Variants in FOXN3 observed in about 807,000 individuals in gnomAD.
FOXN3 encodes forkhead box N3.
FOXN3 carries 7 observed loss-of-function variants against 38.4 expected under a neutral mutation model. The ratio of observed to expected loss-of-function variants is 0.18; its 90% CI spans 0.10 to 0.34. The LOEUF (loss-of-function observed/expected upper bound fraction) is 0.34. Among genes scored for constraint, FOXN3 ranks in the 10% least tolerant of loss-of-function variants. The pLI, the probability that FOXN3 is intolerant of heterozygous loss-of-function variation, is 1.00. For synonymous variants in FOXN3, 230 were observed against 242.2 expected, an observed-to-expected ratio of 0.95 and a Z score of 0.47; for missense variants, 456 against 613.4, an observed-to-expected ratio of 0.74 and a Z score of 2.71.
At chr14:89,485,972 A>C (rs1373598376) in intron 1 of FOXN3, among the ~76,000 whole-genome samples, 1 of 152,050 alleles carries the variant, frequency 6.6e-6, no homozygotes, top group Non-Finnish European at 1.5e-5. Flanking sequence ...TTTCAATCCC[A>C]ATCCTCAAAG....
At chr14:89,463,992 C>A (rs1296321463) in intron 1 of FOXN3, among the ~76,000 whole-genome samples, 1 of 152,162 alleles carries the variant, frequency 6.6e-6, no homozygotes, top group African/African-American at 2.4e-5. Context: ...CCATGTTGGC[C>A]AGGCTGGTCT....
chr14:89,373,377 T>G (rs942079909), intron 2 of FOXN3, among the ~76,000 whole-genome samples: 2 of 151,356 alleles, frequency 1.3e-5, no homozygotes, highest in Non-Finnish European at 2.9e-5. Flanking sequence ...TTTTGGCCTG[T>G]TGCTACAGGT....
chr14:89,245,408 A>G (rs965754433), intron 4 of FOXN3, among the ~76,000 whole-genome samples: 6 of 152,108 alleles, frequency 3.9e-5, no homozygotes, highest in Non-Finnish European at 8.8e-5. Flanking sequence ...TGAAAATGAG[A>G]AACATTTCAC....
intron 1 of FOXN3, among the ~76,000 whole-genome samples, chr14:89,429,183 C>T (rs897771275): frequency 1.3e-5 from 2 of 152,100 alleles, no homozygotes; most frequent in African/African-American, 4.8e-5. Flanking sequence ...TGCTGTCAAC[C>T]CCTTTGTAGA....
chr14:89,495,502 A>T (rs17125930), intron 1 of FOXN3, among the ~76,000 whole-genome samples: 9,183 of 152,264 alleles, frequency 0.06, 867 homozygotes, highest in African/African-American at 0.2. Flanking sequence ...TTTAAAAGCA[A>T]TCTCAAAAAG....
At chr14:89,390,391 G>A (rs1268805269) in intron 2 of FOXN3, among the ~76,000 whole-genome samples, 1 of 143,272 alleles carries the variant, frequency 7.0e-6, no homozygotes, top group East Asian at 2.0e-4. Flanking sequence ...TTTTAAGTAA[G>A]GAAAACTATT....
At chr14:89,408,146 G>C (rs988934720) in intron 2 of FOXN3, among the ~76,000 whole-genome samples, 1 of 152,212 alleles carries the variant, frequency 6.6e-6, no homozygotes, top group Non-Finnish European at 1.5e-5. Context: ...AGGGCACCTA[G>C]TTCAGGGATT....
At chr14:89,546,624 C>A (rs190335993) in intron 1 of FOXN3, among the ~76,000 whole-genome samples, 1 of 151,060 alleles carries the variant, frequency 6.6e-6, no homozygotes, top group Non-Finnish European at 1.5e-5. Flanking sequence ...CCACTGCACC[C>A]GGCCCCAATA....
intron 4 of FOXN3, among the ~76,000 whole-genome samples, chr14:89,254,406 T>C (rs1191571774): frequency 6.6e-6 from 1 of 151,456 alleles, no homozygotes; most frequent in African/African-American, 2.4e-5. Flanking sequence ...GTAAGGGAGG[T>C]GGGGAGAAGG....
At chr14:89,336,728 G>T (rs1888472925) in intron 3 of FOXN3, among the ~76,000 whole-genome samples, 1 of 152,120 alleles carries the variant, frequency 6.6e-6, no homozygotes, top group African/African-American at 2.4e-5. Flanking sequence ...AAAGCAGATG[G>T]AATAAAATAA....
At chr14:89,381,032 C>T (rs946309539) in intron 2 of FOXN3, among the ~76,000 whole-genome samples, 2 of 151,644 alleles carry the variant, frequency 1.3e-5, no homozygotes, top group South Asian at 4.2e-4. Context: ...ATCCCAGCTA[C>T]TCAGGAGGCT....
At chr14:89,281,678 T>C (rs758522986) in intron 3 of FOXN3, among the ~76,000 whole-genome samples, 2 of 152,188 alleles carry the variant, frequency 1.3e-5, no homozygotes, top group Non-Finnish European at 2.9e-5. Context: ...ACCGCATTCA[T>C]AGATGAGCAT....
chr14:89,294,257 A>G (rs79108864), intron 3 of FOXN3, among the ~76,000 whole-genome samples: 1 of 152,048 alleles, frequency 6.6e-6, no homozygotes, highest in East Asian at 1.9e-4. Context: ...TCAAAGCACA[A>G]TATCTTCAGG....
At chr14:89,396,644 C>T (rs1891106618) in intron 2 of FOXN3, among the ~76,000 whole-genome samples, 1 of 151,978 alleles carries the variant, frequency 6.6e-6, no homozygotes, top group Non-Finnish European at 1.5e-5. Context: ...CCAGCCTGGC[C>T]AACATGGTGA....
At chr14:89,549,354 AG>A (rs1894953192) in intron 1 of FOXN3, among the ~76,000 whole-genome samples, 1 of 152,036 alleles carries the variant, frequency 6.6e-6, no homozygotes, top group Non-Finnish European at 1.5e-5. Flanking sequence ...AAGCTAATTC[AG>A]GCAACAAAAA....
At chr14:89,321,088 T>C (rs1887882494) in intron 3 of FOXN3, among the ~76,000 whole-genome samples, 2 of 151,522 alleles carry the variant, frequency 1.3e-5, no homozygotes, top group South Asian at 2.1e-4. Context: ...AGTAGTTCAA[T>C]ACCAACCTGG....
intron 1 of FOXN3, among the ~76,000 whole-genome samples, chr14:89,438,395 C>T (rs55994403): frequency 1.3e-5 from 2 of 152,326 alleles, no homozygotes; most frequent in Non-Finnish European, 2.9e-5. Flanking sequence ...TAGTCCTAAA[C>T]GTTTACATGG....
chr14:89,285,519 A>C (rs1458946385), intron 3 of FOXN3, among the ~76,000 whole-genome samples: 5 of 96,488 alleles, frequency 5.2e-5, no homozygotes, highest in Non-Finnish European at 4.4e-5. Flanking sequence ...ACTCCGTCTC[A>C]AAACAAAAAA....
At chr14:89,188,842 A>AT (rs914611171) in intron 4 of FOXN3, among the ~76,000 whole-genome samples, 8 of 151,236 alleles carry the variant, frequency 5.3e-5, no homozygotes, top group African/African-American at 2.0e-4. Context: ...ATGGAAGTTT[A>AT]TTTAAAAAAA....
Sources: allele counts gnomAD v4.1 joint callset (sites outside exome capture counted in the v4.1 genomes callset), GRCh38; gene constraint gnomAD v4.1.1; transcripts MANE v1.5; gene names NCBI Gene and HGNC (gene_info 2026-07-23, HGNC 2026-07-21).